The following INTS10 variants were observed in gnomAD, a reference collection of about 807,000 sequenced individuals.
The protein encoded by INTS10 is chromosome 8 open reading frame 35.
In INTS10, 44 loss-of-function variants were observed where a neutral mutation model predicts 94.4. That is an observed-to-expected ratio of 0.47 (90% CI 0.37 to 0.60). INTS10 has a LOEUF of 0.60. Among genes scored for constraint, INTS10 ranks in the 20% least tolerant of loss-of-function variants. INTS10 has a pLI of 0.00. For synonymous variants in INTS10, 341 were observed against 320.7 expected (o/e 1.06, Z -0.68); for missense variants, 797 against 868.7 (o/e 0.92, Z 1.04).
At chr8:19,824,217 C>A in intron 7 of INTS10, 173 bp downstream of exon 7, 1 of 510,084 alleles carries the variant, frequency 2.0e-6, no homozygotes, top group Non-Finnish European at 3.4e-6. Flanking sequence ...TCTGACTGGG[C>A]ACAATGGCTC....
At chr8:19,829,234 T>A (rs1340451141) in intron 9 of INTS10, among the ~76,000 whole-genome samples, 1 of 152,174 alleles carries the variant, frequency 6.6e-6, no homozygotes. Context: ...TTTTAAATGA[T>A]CTTAGTGGAG....
intron 2 of INTS10, 69 bp from the exon 3 acceptor site, chr8:19,819,504 T>G (rs2066198522): frequency 8.3e-7 from 1 of 1,204,712 alleles, no homozygotes; most frequent in Non-Finnish European, 1.2e-6. Flanking sequence ...CACCAAATGC[T>G]AACGTTTTTT....
At chr8:19,848,957 C>T (rs939505197) in intron 16 of INTS10, 7 of 259,362 alleles carry the variant, frequency 2.7e-5, no homozygotes, top group Non-Finnish European at 5.7e-5. Flanking sequence ...TCTGGACACG[C>T]ACCAGCAGCA....
Position 19,826,436 on chromosome 8 carries a change from C to T in INTS10, c.1017C>T (p.Ala339=), listed in dbSNP as rs2066798384. Residue 339 remains alanine (A), a synonymous_variant, in exon 9 of 17, where the codon GCC becomes GCT. Coordinates refer to ENST00000397977, the MANE Select transcript of INTS10 (RefSeq NM_018142.4). ...TTTCCCCGTCCTTAGGTCCTAATGC[C>T]CCGAGCCAAGTTCCACTGGTTCTTC... is the stretch of plus-strand genomic sequence containing the variant. ...IQPSLFQGPN[A]PSQVPLVLLE... is the part of the protein sequence containing the mutation. The T allele has an allele frequency of 3.7e-6, 6 of 1,610,244 alleles. No homozygotes were observed. Among genetic ancestry groups the T allele is most frequent in the African/African-American group, 1.3e-5 (1 of 74,550 alleles).
intron 9 of INTS10, among the ~76,000 whole-genome samples, chr8:19,828,559 G>A (rs1234840840): frequency 6.6e-6 from 1 of 152,174 alleles, no homozygotes; most frequent in African/African-American, 2.4e-5. Context: ...CACCACATCT[G>A]GGGTCCTTTC....
At chr8:19,833,041 G>C (rs1474537697) in intron 11 of INTS10, 128 bp from the exon 12 acceptor site, 6 of 691,868 alleles carry the variant, frequency 8.7e-6, no homozygotes, top group Non-Finnish European at 1.1e-5. Context: ...TTCCTCAGAT[G>C]ATCAAACCAA....
chr8:19,826,677 A>G (rs1399326518), intron 9 of INTS10, 118 bp downstream of exon 9: 6 of 912,966 alleles, frequency 6.6e-6, no homozygotes, highest in Non-Finnish European at 9.7e-6. Flanking sequence ...AAATTGTATG[A>G]TATATTAATA....
rs918135202 is a variant in INTS10 at position 19,849,443 on chromosome 8, G to A, written c.1977-2206G>A. ...ATAAGTTGCCAGTGTGTTTGTGTTC[G>A]ATTTAAAAATCATTATGGATCTGGA... On this transcript the variant is annotated intron_variant, in intron 16 of 16. Coordinates refer to ENST00000397977, the MANE Select transcript of INTS10 (RefSeq NM_018142.4). This position sits in a 1 kb window ranked among gnomAD's most constrained non-coding sequence, Gnocchi z 4.6. Among the ~76,000 whole-genome samples, 1 of 151,908 alleles carries A rather than the reference G, an allele frequency of 6.6e-6. No homozygotes were observed. The highest frequency in any genetic ancestry group is 2.4e-5 in the African/African-American group (1 of 41,328).
At chr8:19,819,760 G>T in intron 3 of INTS10, 84 bp downstream of exon 3, 1 of 967,764 alleles carries the variant, frequency 1.0e-6, no homozygotes, top group Non-Finnish European at 1.6e-6. Flanking sequence ...TCACACCTGG[G>T]GTATTGGTAA....
Position 19,823,343 on chromosome 8 carries a change from G to A in INTS10, c.566G>A (p.Arg189Gln), listed in dbSNP as rs770188814. Residue 189 changes from arginine to glutamine, a missense_variant, in exon 6 of 17, where the codon CGA becomes CAA. Transcript: ENST00000397977. ...CTAATAATTAACAACCATGATGTTC[G>A]ATTACCTGCCAATTTATTGTATAAG... Reference protein sequence around the residue: ...LPLIINNHDVRLPANLLYKYL... With the variant: ...LPLIINNHDVQLPANLLYKYL... 7 of 1,604,952 alleles carry A rather than the reference G, an allele frequency of 4.4e-6. No homozygotes were observed. Among genetic ancestry groups the A allele is most frequent in the African/African-American group, 1.3e-5 (1 of 74,654 alleles).
At chr8:19,820,621 A>C in intron 4 of INTS10, 103 bp downstream of exon 4, 1 of 1,011,422 alleles carries the variant, frequency 9.9e-7, no homozygotes, top group Non-Finnish European at 1.4e-6. Flanking sequence ...TCTGAAGAGT[A>C]CTGGTTAAGA....
In INTS10 at chr8:19,851,757, C is replaced by A; in HGVS notation, c.2085C>A (p.His695Gln). 3 of 1,614,132 alleles carry A rather than the reference C, an allele frequency of 1.9e-6. No individual in the cohort carries two copies. Among genetic ancestry groups the A allele is most frequent in the Non-Finnish European group, 2.5e-6 (3 of 1,180,000 alleles). Residue 695 changes from histidine (H) to glutamine (Q), a missense_variant, in exon 17 of 17, where the codon CAC becomes CAA. Transcript: ENST00000397977. The surrounding 1 kb of genome is among the most constrained non-coding windows in gnomAD (Gnocchi z 5.0). Reference sequence around the variant, plus strand: ...GAGAGAATCTGATGGTGGTTCTGCACAGGTTCTGCATTAATGAGAAGATCT... The same window carrying A: ...GAGAGAATCTGATGGTGGTTCTGCAAAGGTTCTGCATTAATGAGAAGATCT... Reference protein sequence around the residue: ...RCGENLMVVLHRFCINEKILL... With the variant: ...RCGENLMVVLQRFCINEKILL...
intron 11 of INTS10, among the ~76,000 whole-genome samples, chr8:19,832,369 C>T (rs929306820): frequency 6.6e-6 from 1 of 152,070 alleles, no homozygotes. Context: ...CCCAGGAGTT[C>T]GAGACTAGCC....
intron 5 of INTS10, among the ~76,000 whole-genome samples, chr8:19,823,071 A>T (rs182065536): frequency 6.6e-6 from 1 of 152,204 alleles, no homozygotes; most frequent in African/African-American, 2.4e-5. Context: ...TCTGAATTCA[A>T]TGGAAGAACT....
intron 9 of INTS10, among the ~76,000 whole-genome samples, chr8:19,827,383 C>G (rs896296339): frequency 2.0e-5 from 3 of 152,164 alleles, no homozygotes; most frequent in African/African-American, 7.2e-5. Context: ...CTTTTTATTC[C>G]TCTTTTTTAA....
At chr8:19,842,957 A>C (rs772477598) in intron 14 of INTS10, 30 bp downstream of exon 14, 1 of 1,381,386 alleles carries the variant, frequency 7.2e-7, no homozygotes, top group South Asian at 1.2e-5. Context: ...GCTTGAAAAA[A>C]AATGTAATTT....
In INTS10 at chr8:19,849,327, C is replaced by T. The variant is rs955042965; in HGVS notation, c.1977-2322C>T. The stretch of plus-strand genomic sequence containing the variant: ...GTTCTCAGCTCTTCGTTCCTCAGTG[C>T]TCTTTTTCATGCTTTCTTTCTTTTT... On this transcript the variant is annotated intron_variant, in intron 16 of 16. Coordinates refer to ENST00000397977, the MANE Select transcript of INTS10 (RefSeq NM_018142.4). This position sits in a 1 kb window ranked among gnomAD's most constrained non-coding sequence, Gnocchi z 4.6. The T allele has an allele frequency of 4.4e-5, 21 of 480,988 alleles. 1 individual carries two copies. Among genetic ancestry groups the T allele is most frequent in the Non-Finnish European group, 6.8e-5 (20 of 292,904 alleles). The allele number at this position is 480,988 out of a possible 1,614,324, so 29.8% of individuals were successfully genotyped here.
chr8:19,844,920 TG>T (rs1426460601), intron 15 of INTS10, among the ~76,000 whole-genome samples: 1 of 152,116 alleles, frequency 6.6e-6, no homozygotes, highest in East Asian at 1.9e-4. Flanking sequence ...TTTTTAGAGT[TG>T]GGGTCTTGCT....
intron 15 of INTS10, among the ~76,000 whole-genome samples, 163 bp downstream of exon 15, chr8:19,844,401 CTG>C (rs1029045500): frequency 6.6e-6 from 1 of 152,210 alleles, no homozygotes; most frequent in African/African-American, 2.4e-5. Flanking sequence ...AGTTGATCTT[CTG>C]AAAGTCGTGA....
Sources: allele counts gnomAD v4.1 joint callset (sites outside exome capture counted in the v4.1 genomes callset), GRCh38; gene constraint gnomAD v4.1.1; non-coding constraint Gnocchi (gnomAD v3.1); transcripts MANE v1.5; gene names NCBI Gene and HGNC (gene_info 2026-07-23, HGNC 2026-07-21).